The following GUCY1A2 variants were observed in gnomAD, a reference collection of about 807,000 sequenced individuals.
GUCY1A2 encodes the protein guanylate cyclase soluble subunit alpha-2.
A neutral mutation model predicts 63.5 loss-of-function variants in GUCY1A2; 27 were observed. That is an observed-to-expected ratio of 0.43 (90% CI 0.31 to 0.59). The LOEUF is 0.59. Among genes scored for constraint, GUCY1A2 ranks in the 20% least tolerant of loss-of-function variants. The pLI, the probability that GUCY1A2 is intolerant of heterozygous loss-of-function variation, is 0.11. For missense variants in GUCY1A2, 768 were observed against 913.3 expected (o/e 0.84, Z 2.05); for synonymous variants, 364 against 343.5 (o/e 1.06, Z -0.66).
chr11:106,992,084 T>C (rs2513109), intron 1 of GUCY1A2, among the ~76,000 whole-genome samples: 23,150 of 152,160 alleles, frequency 0.15, 2,101 homozygotes, highest in South Asian at 0.26. Flanking sequence ...GGCTCCCAAA[T>C]CTAAGCATGT....
At chr11:106,889,656 C>A (rs540458313) in intron 4 of GUCY1A2, among the ~76,000 whole-genome samples, 1 of 152,258 alleles carries the variant, frequency 6.6e-6, no homozygotes, top group South Asian at 2.1e-4. Context: ...CTTGAGATGT[C>A]TGCAAAACTA....
chr11:106,743,001 T>C (rs1035548591), intron 6 of GUCY1A2, among the ~76,000 whole-genome samples: 1 of 152,236 alleles, frequency 6.6e-6, no homozygotes, highest in African/African-American at 2.4e-5. Flanking sequence ...TTCCCATTAA[T>C]GTCATAGTAC....
chr11:106,930,463 T>C (rs940940917), intron 4 of GUCY1A2, among the ~76,000 whole-genome samples: 1 of 152,206 alleles, frequency 6.6e-6, no homozygotes, highest in African/African-American at 2.4e-5. Context: ...TCATACACAA[T>C]ACTGTCTCTC....
Position 106,684,177 on chromosome 11 carries a change from T to C in GUCY1A2, c.*3372A>G, listed in dbSNP as rs1862480665. ...AGTGCAAGACTGTAAGAAACAACATTTGAAGTGCTGAACCTACAGACCCAC... is the reference window on the plus strand; with the variant it reads ...AGTGCAAGACTGTAAGAAACAACATCTGAAGTGCTGAACCTACAGACCCAC... On this transcript the variant is annotated 3_prime_UTR_variant, in exon 8 of 8. Transcript: ENST00000526355. The C allele has an allele frequency of 5.4e-6, 1 of 184,554 alleles. No individual in the cohort carries two copies. Among genetic ancestry groups the C allele is most frequent in the East Asian group, 8.8e-5 (1 of 11,402 alleles). The allele number at this position is 184,554 out of a possible 1,614,324, so 11.4% of individuals were successfully genotyped here.
chr11:106,954,197 G>T (rs1860950634), intron 3 of GUCY1A2, among the ~76,000 whole-genome samples: 1 of 152,138 alleles, frequency 6.6e-6, no homozygotes, highest in Admixed American at 6.5e-5. Context: ...ATGTTCCAGA[G>T]ATTCTGGTAT....
In GUCY1A2 at chr11:106,710,064, GTATATAATATATAGTTA is replaced by G. The variant is rs1349320085; in HGVS notation, c.1837-1415_1837-1399del. ...ATATAGTTATATATAATATATACATGTATATAATATATAGTTATATATAATATATAGTTATATATATT... is the reference window on the plus strand; with the variant it reads ...ATATAGTTATATATAATATATACATGTATATAATATATAGTTATATATATT... On this transcript the variant is annotated intron_variant, in intron 6 of 7. Transcript: ENST00000526355. Among the ~76,000 whole-genome samples, 83 of 94,204 alleles carry G rather than the reference GTATATAATATATAGTTA, an allele frequency of 8.8e-4. 2 individuals carry two copies. The highest frequency in any genetic ancestry group is 2.7e-3 in the African/African-American group (74 of 27,130). The allele number at this position is 94,204 out of a possible 152,430, so 61.8% of individuals were successfully genotyped here.
Position 107,018,174 on chromosome 11 carries a change from G to GAC in GUCY1A2, c.-120_-119insGT. On this transcript the variant is annotated 5_prime_UTR_variant, in exon 1 of 8. It removes the in-frame stop codon of an upstream open reading frame in the 5' UTR. Transcript: ENST00000526355. ...AAGCGCGTCGGGGCCGCGGGGCGCT[G>GAC]CGGTCGCGCCCGGCGGGGCGGGAGT... The GAC allele has an allele frequency of 2.2e-6, 1 of 449,650 alleles. No individual in the cohort carries two copies. Among genetic ancestry groups the GAC allele is most frequent in the Non-Finnish European group, 3.3e-6 (1 of 299,800 alleles). The allele number at this position is 449,650 out of a possible 1,614,324, so 27.9% of individuals were successfully genotyped here.
chr11:106,985,027 C>T (rs1861383680), intron 2 of GUCY1A2, among the ~76,000 whole-genome samples: 2 of 151,804 alleles, frequency 1.3e-5, no homozygotes, highest in African/African-American at 2.4e-5. Context: ...TACTAGGTAC[C>T]GAGATTATTT....
intron 5 of GUCY1A2, among the ~76,000 whole-genome samples, chr11:106,788,785 C>A (rs113148390): frequency 1.3e-5 from 2 of 152,050 alleles, no homozygotes; most frequent in Admixed American, 1.3e-4. Context: ...GCCAGTACCA[C>A]GTTATTTTGG....
intron 4 of GUCY1A2, among the ~76,000 whole-genome samples, chr11:106,835,495 A>C (rs1246458013): frequency 6.6e-6 from 1 of 151,898 alleles, no homozygotes; most frequent in African/African-American, 2.4e-5. Context: ...GGGAGAATAA[A>C]GAGAATGGGG....
chr11:106,871,717 A>G (rs962541156), intron 4 of GUCY1A2, among the ~76,000 whole-genome samples: 2 of 152,140 alleles, frequency 1.3e-5, no homozygotes, highest in Non-Finnish European at 2.9e-5. Flanking sequence ...GACTCAACAA[A>G]TGTGCATTAA....
intron 4 of GUCY1A2, among the ~76,000 whole-genome samples, chr11:106,934,991 T>C (rs1470967235): frequency 1.3e-5 from 2 of 152,184 alleles, no homozygotes; most frequent in African/African-American, 4.8e-5. Flanking sequence ...TAGATACAGG[T>C]AATGAAAACT....
At chr11:106,883,982 C>A (rs1448350444) in intron 4 of GUCY1A2, among the ~76,000 whole-genome samples, 1 of 152,036 alleles carries the variant, frequency 6.6e-6, no homozygotes, top group African/African-American at 2.4e-5. Flanking sequence ...TAGGTGGGAA[C>A]TGAACAATGA....
intron 2 of GUCY1A2, 58 bp downstream of exon 2, chr11:106,986,012 G>A (rs1475029372): frequency 3.4e-6 from 3 of 878,426 alleles, no homozygotes; most frequent in Non-Finnish European, 3.9e-6. Flanking sequence ...CAACAGCTAT[G>A]TTTGAGTAAT....
intron 4 of GUCY1A2, among the ~76,000 whole-genome samples, chr11:106,934,621 C>T (rs1860650182): frequency 2.0e-5 from 3 of 152,054 alleles, no homozygotes; most frequent in African/African-American, 4.8e-5. Flanking sequence ...AAATTGTTTC[C>T]CAGCGTTTGA....
chr11:106,905,421 G>A (rs963925694), intron 4 of GUCY1A2, among the ~76,000 whole-genome samples: 1 of 151,996 alleles, frequency 6.6e-6, no homozygotes, highest in Non-Finnish European at 1.5e-5. Context: ...TTCTAGTGAG[G>A]GCACCAGTTC....
intron 4 of GUCY1A2, among the ~76,000 whole-genome samples, chr11:106,853,928 T>C (rs1441879243): frequency 6.6e-6 from 1 of 152,190 alleles, no homozygotes; most frequent in African/African-American, 2.4e-5. Flanking sequence ...GAGCAGTGAG[T>C]TCCTCAGTGA....
intron 4 of GUCY1A2, among the ~76,000 whole-genome samples, chr11:106,825,497 A>C (rs1447139446): frequency 6.6e-6 from 1 of 151,722 alleles, no homozygotes; most frequent in Non-Finnish European, 1.5e-5. Context: ...AAGAAAGTTT[A>C]CAAAAAATGT....
intron 4 of GUCY1A2, among the ~76,000 whole-genome samples, chr11:106,899,695 A>C (rs1305706082): frequency 6.6e-6 from 1 of 152,222 alleles, no homozygotes; most frequent in Non-Finnish European, 1.5e-5. Flanking sequence ...TAATCTGATG[A>C]ACCTTCATCC....
Sources: allele counts gnomAD v4.1 joint callset (sites outside exome capture counted in the v4.1 genomes callset), GRCh38; gene constraint gnomAD v4.1.1; transcripts MANE v1.5; gene names NCBI Gene and HGNC (gene_info 2026-07-23, HGNC 2026-07-21).